PRH1: variants seen among roughly 807,000 people sequenced by gnomAD.
The protein encoded by PRH1 is salivary acidic proline-rich phosphoprotein 1/2.
Under a neutral mutation model 7.9 loss-of-function variants are expected in PRH1, and 7 were observed. The ratio of observed to expected loss-of-function variants is 0.89; its 90% confidence interval spans 0.50 to 1.67. The LOEUF is 1.67. PRH1 is among the 40% of genes most tolerant of loss of function. PRH1 has a pLI of 0.00. For missense variants in PRH1, 109 were observed against 223.6 expected (o/e 0.49, Z 3.27); for synonymous variants, 45 against 80.8 (o/e 0.56, Z 2.38).
At position 11,132,778 on chromosome 12, in the gene PRH1, C is replaced by T. The variant is rs1946398834; in HGVS notation, n.40-11598G>A. On this transcript the variant is annotated intron_variant and non_coding_transcript_variant, in intron 1 of 1. Transcript: ENST00000541175. ...TTTTACTAAACATAAAATAGGAATT[C>T]ATAATGGAATAAAACCCTGAAGATA... Among the ~76,000 whole-genome samples the T allele has an allele frequency of 2.6e-5, 4 of 152,306 alleles. No homozygotes were observed. In the South Asian group the frequency reaches 6.2e-4, roughly 24 times the overall value.
chr12:11,038,720 T>C (rs1166021054), intron 1 of PRH1, among the ~76,000 whole-genome samples: 1 of 149,342 alleles, frequency 6.7e-6, no homozygotes, highest in East Asian at 2.0e-4. Flanking sequence ...TTCTCAACTT[T>C]AGCTATTGAA....
At chr12:10,991,410 C>G (rs963864943) in intron 1 of PRH1, among the ~76,000 whole-genome samples, 2 of 152,000 alleles carry the variant, frequency 1.3e-5, no homozygotes, top group African/African-American at 4.8e-5. Context: ...ATCTACATGG[C>G]TATTTTAAAT....
chr12:11,168,287 AG>A (rs1565725796), intron 1 of PRH1, among the ~76,000 whole-genome samples: 491 of 30,526 alleles, frequency 0.016, 110 homozygotes, highest in Admixed American at 0.034. Context: ...AAAGAAAGAA[AG>A]AAAGAAAGAA....
intron 1 of PRH1, among the ~76,000 whole-genome samples, chr12:11,025,649 A>G (rs1454334306): frequency 1.3e-5 from 2 of 152,292 alleles, no homozygotes; most frequent in Admixed American, 6.5e-5. Flanking sequence ...CTAATCTTAC[A>G]GAACTCCAGA....
intron 2 of PRH1, among the ~76,000 whole-genome samples, chr12:10,966,987 C>T (rs1318115416): frequency 6.6e-6 from 1 of 151,938 alleles, no homozygotes; most frequent in Non-Finnish European, 1.5e-5. Context: ...TGGTGGCGGG[C>T]ACCTGTAGTC....
chr12:11,051,008 A>ATG (rs1943120911), upstream of PRH1, among the ~76,000 whole-genome samples: 1 of 146,940 alleles, frequency 6.8e-6, no homozygotes, highest in African/African-American at 2.5e-5. Flanking sequence ...ACAGCCATCC[A>ATG]CCAAACCTAG....
intron 2 of PRH1, among the ~76,000 whole-genome samples, chr12:10,928,431 A>G (rs1950153720): frequency 6.6e-6 from 1 of 152,252 alleles, no homozygotes; most frequent in African/African-American, 2.4e-5. Context: ...TGGAGGTCTT[A>G]GCTACATGAC....
At chr12:10,988,625 G>A (rs1446887880) in intron 1 of PRH1, among the ~76,000 whole-genome samples, 1 of 151,888 alleles carries the variant, frequency 6.6e-6, no homozygotes, top group Non-Finnish European at 1.5e-5. Context: ...CTTAGAAATG[G>A]GTGAAAACTA....
At chr12:11,032,944 C>G (rs538226802) in intron 1 of PRH1, among the ~76,000 whole-genome samples, 1 of 152,206 alleles carries the variant, frequency 6.6e-6, no homozygotes, top group South Asian at 2.1e-4. Flanking sequence ...AGAGTATGGC[C>G]TATCTAGTAC....
intron 2 of PRH1, among the ~76,000 whole-genome samples, chr12:10,946,241 A>C (rs529184822): frequency 5.3e-5 from 8 of 152,258 alleles, no homozygotes; most frequent in Non-Finnish European, 1.0e-4. Flanking sequence ...CAGTAAAGAC[A>C]GGCATAAGAA....
chr12:10,913,940 C>A (rs10845242), intron 2 of PRH1, among the ~76,000 whole-genome samples: 79,159 of 152,054 alleles, frequency 0.52, 22,434 homozygotes, highest in East Asian at 0.72. Flanking sequence ...AGTCCCTGAG[C>A]TTTGGGGATC....
intron 1 of PRH1, among the ~76,000 whole-genome samples, chr12:11,032,704 G>A (rs1942278782): frequency 6.6e-6 from 1 of 152,080 alleles, no homozygotes; most frequent in Non-Finnish European, 1.5e-5. Flanking sequence ...CAAGTCTAAT[G>A]TTTAAATATT....
At chr12:11,160,359 A>T (rs1947377037) in intron 1 of PRH1, among the ~76,000 whole-genome samples, 1 of 152,240 alleles carries the variant, frequency 6.6e-6, no homozygotes, top group Admixed American at 6.5e-5. Context: ...AAGAATAAAC[A>T]AAATATACCA....
At chr12:10,968,370 C>T (rs1938616094) in intron 2 of PRH1, among the ~76,000 whole-genome samples, 1 of 152,056 alleles carries the variant, frequency 6.6e-6, no homozygotes, top group African/African-American at 2.4e-5. Flanking sequence ...ATTACGTAGG[C>T]ATTATCCAAT....
upstream of PRH1, among the ~76,000 whole-genome samples, chr12:10,888,391 G>A (rs1370252985): frequency 9.2e-5 from 14 of 152,176 alleles, no homozygotes; most frequent in African/African-American, 1.4e-4. Flanking sequence ...ATCTAGACCT[G>A]GTTTGGCTCA....
At chr12:11,003,708 T>C (rs1940698881) in intron 1 of PRH1, among the ~76,000 whole-genome samples, 1 of 152,036 alleles carries the variant, frequency 6.6e-6, no homozygotes, top group African/African-American at 2.4e-5. Context: ...TATAAGAATT[T>C]ATTTGCAAAA....
intron 2 of PRH1, among the ~76,000 whole-genome samples, chr12:10,909,753 C>A (rs1949867587): frequency 2.6e-5 from 4 of 152,118 alleles, no homozygotes; most frequent in African/African-American, 4.8e-5. Flanking sequence ...CTAAATGAAG[C>A]TTTTATGGCT....
intron 1 of PRH1, chr12:11,031,053 T>C (rs1409527083): frequency 1.2e-6 from 2 of 1,614,308 alleles, no homozygotes; most frequent in South Asian, 2.2e-5. Context: ...AGCCAGTTGC[T>C]GAAATGGCCG....
chr12:10,898,967 G>C (rs1258223052), intron 2 of PRH1, among the ~76,000 whole-genome samples: 5 of 152,172 alleles, frequency 3.3e-5, no homozygotes. Context: ...GTGCCCAGAA[G>C]GCAGCACATA....
Sources: allele counts gnomAD v4.1 joint callset (sites outside exome capture counted in the v4.1 genomes callset), GRCh38; gene constraint gnomAD v4.1.1; transcripts MANE v1.5; gene names NCBI Gene and HGNC (gene_info 2026-07-23, HGNC 2026-07-21).